The following SPATA7 variants were observed in gnomAD, a reference collection of about 807,000 sequenced individuals.
The protein encoded by SPATA7 is spermatogenesis associated 7.
Under a neutral mutation model 51.8 loss-of-function variants are expected in SPATA7, and 43 were observed. The observed-to-expected ratio is 0.83, with a 90% confidence interval of 0.65 to 1.07. The LOEUF is 1.07. Ranked by LOEUF, SPATA7 falls within the 50% of genes least tolerant of loss-of-function variation. SPATA7 has a pLI of 0.00. For missense variants in SPATA7, 683 were observed against 701.3 expected (o/e 0.97, Z 0.30); for synonymous variants, 230 against 252.8 (o/e 0.91, Z 0.86).
At position 88,419,708 on chromosome 14, in the gene SPATA7, G is replaced by A. The variant is rs946834837; in HGVS notation, c.372+2864G>A. Among the ~76,000 whole-genome samples, 5 of 151,894 alleles carry A rather than the reference G, an allele frequency of 3.3e-5. No individual in the cohort carries two copies. The East Asian group carries it at 7.7e-4, about 23-fold the overall frequency. On this transcript the variant is annotated intron_variant, in intron 5 of 11. Transcript: ENST00000393545. ...GCCTGGCTAATTTTTTGTATTTTTA[G>A]TAGAGACGGGGTTCCACCATGTTAG...
At position 88,429,387 on chromosome 14, in the gene SPATA7, G is replaced by A. The variant is rs779479852; in HGVS notation, c.952G>A (p.Ala318Thr). 5 of 1,612,470 alleles carry A rather than the reference G, an allele frequency of 3.1e-6. No individual in the cohort carries two copies. Among genetic ancestry groups the A allele is most frequent in the African/African-American group, 2.7e-5 (2 of 74,858 alleles). The change falls in exon 8 of 12, where the codon GCT (alanine) becomes ACT (threonine). Residue 318 changes from alanine (A) to threonine (T), a missense_variant. By Grantham distance (58) the Ala-to-Thr change is moderately conservative (BLOSUM62 0). Transcript: ENST00000393545. ...CVTYDAKEKI[A>T]PLPLEGHDST... ...GACATATGATGCCAAAGAAAAAATAGCTCCTTTACCTTTAGAAGGGCATGA... is the reference window on the plus strand; with the variant it reads ...GACATATGATGCCAAAGAAAAAATAACTCCTTTACCTTTAGAAGGGCATGA...
chr14:88,446,385 T>G (rs1489768594), intron 3 of SPATA7, among the ~76,000 whole-genome samples: 1 of 152,224 alleles, frequency 6.6e-6, no homozygotes, highest in Non-Finnish European at 1.5e-5. Context: ...TTTTTGTTTA[T>G]TAGTCTTGCT....
intron 5 of SPATA7, among the ~76,000 whole-genome samples, chr14:88,419,498 G>A (rs1306237722): frequency 2.1e-5 from 3 of 144,918 alleles, no homozygotes; most frequent in Non-Finnish European, 3.0e-5. Context: ...TTAGTATTTG[G>A]TGGGTCAGAT....
chr14:88,391,863 C>A, intron 2 of SPATA7: 1 of 175,386 alleles, frequency 5.7e-6, no homozygotes, highest in Non-Finnish European at 1.2e-5. Context: ...GGCCTATGGG[C>A]CTCTTTATCC....
Position 88,469,861 on chromosome 14 carries a change from T to C in SPATA7, c.270T>C (p.Asp90=). 1 of 1,610,230 alleles carries C rather than the reference T, an allele frequency of 6.2e-7. No homozygotes were observed. Among genetic ancestry groups the C allele is most frequent in the Non-Finnish European group, 8.5e-7 (1 of 1,176,720 alleles). The change falls in exon 5 of 5, where the codon GAT becomes GAC. Residue 90 remains aspartate, a synonymous_variant. Transcript: ENST00000556406. This position sits in a 1 kb window ranked among gnomAD's most constrained non-coding sequence, Gnocchi z 4.3. ...TTTCTCCACAGGTCAGGATTCCAGA[T>C]GATTAACATTAACTGTTCTTCAGAG...
chr14:88,442,933 G>A (rs1199390937), downstream of SPATA7, among the ~76,000 whole-genome samples: 2 of 136,144 alleles, frequency 1.5e-5, no homozygotes, highest in Non-Finnish European at 3.1e-5. Flanking sequence ...TTGGTTTTTT[G>A]TTAGTAATTT....
chr14:88,442,761 A>G (rs771261140), downstream of SPATA7, among the ~76,000 whole-genome samples: 2 of 151,698 alleles, frequency 1.3e-5, no homozygotes. Flanking sequence ...TTTTTTTGAT[A>G]TGTCCTTTCC....
chr14:88,408,558 G>A (rs2076257734), intron 4 of SPATA7, among the ~76,000 whole-genome samples: 1 of 152,084 alleles, frequency 6.6e-6, no homozygotes, highest in Non-Finnish European at 1.5e-5. Context: ...TGCAAACAGA[G>A]ACAATTTGAC....
intron 4 of SPATA7, among the ~76,000 whole-genome samples, chr14:88,409,918 C>A (rs2076294652): frequency 6.6e-6 from 1 of 152,112 alleles, no homozygotes. Context: ...GTTTCTTAAT[C>A]CTGAGTTCTA....
At position 88,426,519 on chromosome 14, in the gene SPATA7, A is replaced by G; in HGVS notation, c.660A>G (p.Ala220=). Residue 220 remains alanine, a synonymous_variant, in exon 6 of 12, where the codon GCA becomes GCG. Transcript: ENST00000393545. The stretch of plus-strand genomic sequence containing the variant: ...GGTTTCAGTTAGTCATTTCGAAAGC[A>G]CCCAGTGGGGATCTTTTGGATAAAC... ...SHRFQLVISK[A]PSGDLLDKHS... 3 of 1,614,216 alleles carry G rather than the reference A, an allele frequency of 1.9e-6. No homozygotes were observed. Among genetic ancestry groups the G allele is most frequent in the Non-Finnish European group, 2.5e-6 (3 of 1,180,038 alleles).
At chr14:88,393,329 C>T in intron 2 of SPATA7, 64 bp from the exon 3 acceptor site, 1 of 1,081,700 alleles carries the variant, frequency 9.2e-7, no homozygotes, top group South Asian at 1.4e-5. Context: ...ATAATCAGTG[C>T]CTTGTTTATC....
intron 4 of SPATA7, among the ~76,000 whole-genome samples, chr14:88,464,490 G>A (rs1403450377): frequency 1.3e-5 from 2 of 152,104 alleles, no homozygotes; most frequent in Non-Finnish European, 2.9e-5. Flanking sequence ...CAGCACTTTG[G>A]GAGGCCGATG....
At position 88,435,561 on chromosome 14, in the gene SPATA7, A is replaced by G. The variant is rs958286398; in HGVS notation, c.1161-1982A>G. 2.0e-5 allele frequency among the ~76,000 whole-genome samples: 3 copies of G among 152,202 alleles called. No homozygotes were observed. In the East Asian group the frequency reaches 5.8e-4, roughly 29 times the overall value. Reference sequence around the variant, plus strand: ...TGTTTTTGTACCCATTAACTACCCCACTTAACCTGCAGCCCTCTACTACCC... The same window carrying G: ...TGTTTTTGTACCCATTAACTACCCCGCTTAACCTGCAGCCCTCTACTACCC... On this transcript the variant is annotated intron_variant, in intron 10 of 11. Transcript: ENST00000393545.
chr14:88,436,772 G>A (rs1417846151), intron 10 of SPATA7, among the ~76,000 whole-genome samples: 1 of 152,014 alleles, frequency 6.6e-6, no homozygotes. Flanking sequence ...TCTCTATTCT[G>A]TTCCATTGGT....
At chr14:88,466,274 A>C (rs2077361872) in intron 4 of SPATA7, 1 of 152,180 alleles carries the variant, frequency 6.6e-6, no homozygotes, top group Admixed American at 6.5e-5. Flanking sequence ...ATTTTGTAAA[A>C]TAAAAATGTA....
rs1376535596 is a variant in SPATA7 at position 88,426,556 on chromosome 14, T to C, written c.697T>C (p.Phe233Leu). 1 of 1,614,130 alleles carries C rather than the reference T, an allele frequency of 6.2e-7. No homozygotes were observed. The highest frequency in any genetic ancestry group is 1.3e-5 in the African/African-American group (1 of 75,038). ...TCTTTTGGATAAACATTCTGAACTC[T>C]TTTCTAACAAACAATTGCCATTCAC... The part of the protein sequence containing the change: ...GDLLDKHSEL[F>L]SNKQLPFTPR... The change falls in exon 6 of 12, where the codon TTT (phenylalanine) becomes CTT (leucine). Residue 233 changes from phenylalanine (F) to leucine (L), a missense_variant. Coordinates refer to ENST00000393545, the MANE Select transcript of SPATA7 (RefSeq NM_018418.5).
At chr14:88,440,741 G>T (rs554116984), downstream of SPATA7, among the ~76,000 whole-genome samples, 1 of 152,094 alleles carries the variant, frequency 6.6e-6, no homozygotes, top group Non-Finnish European at 1.5e-5. Flanking sequence ...TCTTGGAGAG[G>T]GGTAATTATA....
In SPATA7 at chr14:88,451,509, C is replaced by A. The variant is rs189482658; in HGVS notation, c.178-3551C>A. ...TTATGCTATTTCACTGGAGATTTTT[C>A]CATTCATATCCTATATCTTTTTTTT... On this transcript the variant is annotated intron_variant, in intron 3 of 3. Coordinates refer to the SPATA7 transcript ENST00000554802. Among the ~76,000 whole-genome samples, 160 of 150,880 alleles carry A rather than the reference C, an allele frequency of 1.1e-3. 3 individuals are homozygous for A. The East Asian group carries it at 0.023, about 22-fold the overall frequency.
intron 4 of SPATA7, among the ~76,000 whole-genome samples, chr14:88,398,849 G>A (rs1052221214): frequency 6.6e-6 from 1 of 151,708 alleles, no homozygotes; most frequent in Non-Finnish European, 1.5e-5. Flanking sequence ...TCAGGAGATC[G>A]AGACTATCCT....
Sources: allele counts gnomAD v4.1 joint callset (sites outside exome capture counted in the v4.1 genomes callset), GRCh38; gene constraint gnomAD v4.1.1; non-coding constraint Gnocchi (gnomAD v3.1); transcripts MANE v1.5; gene names NCBI Gene and HGNC (gene_info 2026-07-23, HGNC 2026-07-21).